The following LRBA variants were observed in gnomAD, a reference collection of about 807,000 sequenced individuals.
LRBA encodes the protein lipopolysaccharide-responsive and beige-like anchor protein.
Under a neutral mutation model 330.0 loss-of-function variants are expected in LRBA, and 176 were observed. That is an observed-to-expected ratio of 0.53 (90% confidence interval 0.47 to 0.60). LRBA has a LOEUF of 0.60. Ranked by LOEUF, LRBA falls within the 20% of genes least tolerant of loss-of-function variation. LRBA has a pLI of 0.00. For synonymous variants in LRBA, 1,230 were observed against 1,193.0 expected (o/e 1.03, Z -0.64); for missense variants, 3,259 against 3,444.8 (o/e 0.95, Z 1.35).
intron 48 of LRBA, among the ~76,000 whole-genome samples, chr4:150,331,193 T>C (rs1733951682): frequency 6.6e-6 from 1 of 152,174 alleles, no homozygotes; most frequent in South Asian, 2.1e-4. Context: ...CCTCAAGTGA[T>C]TATGTTTCTT....
At chr4:150,544,838 G>A (rs891546993) in intron 40 of LRBA, among the ~76,000 whole-genome samples, 6 of 152,008 alleles carry the variant, frequency 3.9e-5, no homozygotes, top group Non-Finnish European at 7.4e-5. Context: ...CTCTTCCATC[G>A]TTATAAATTC....
intron 42 of LRBA, among the ~76,000 whole-genome samples, chr4:150,486,825 G>T (rs1208007082): frequency 6.6e-6 from 1 of 151,492 alleles, no homozygotes; most frequent in African/African-American, 2.4e-5. Context: ...TGGTAACCAC[G>T]ATTCTACTCT....
At chr4:150,509,934 C>G (rs7691123) in intron 40 of LRBA, among the ~76,000 whole-genome samples, 2,749 of 152,144 alleles carry the variant, frequency 0.018, 87 homozygotes, top group African/African-American at 0.061. Flanking sequence ...GTCTGGAGTT[C>G]GAGACCAGCC....
chr4:150,803,479 TA>T (rs1742065656), intron 33 of LRBA, among the ~76,000 whole-genome samples: 1 of 152,238 alleles, frequency 6.6e-6, no homozygotes, highest in Admixed American at 6.5e-5. Flanking sequence ...TTTTTAATAC[TA>T]AAAAACTCAT....
At chr4:150,747,445 G>A (rs187836506) in intron 35 of LRBA, among the ~76,000 whole-genome samples, 3 of 152,276 alleles carry the variant, frequency 2.0e-5, no homozygotes, top group Admixed American at 2.0e-4. Context: ...CCAAAGCATA[G>A]AACAGTGCCT....
chr4:150,878,893 C>CA (rs1267078939), intron 17 of LRBA, among the ~76,000 whole-genome samples: 2 of 149,056 alleles, frequency 1.3e-5, no homozygotes, highest in African/African-American at 2.5e-5. Flanking sequence ...ACCTACTAAC[C>CA]AAAAAAATCC....
intron 44 of LRBA, among the ~76,000 whole-genome samples, chr4:150,440,773 A>G (rs1362973598): frequency 7.4e-6 from 1 of 136,040 alleles, no homozygotes; most frequent in Non-Finnish European, 1.6e-5. Context: ...CAAAACAAAA[A>G]GCAGAAATAA....
At chr4:150,322,006 C>T (rs1404766976) in intron 49 of LRBA, among the ~76,000 whole-genome samples, 1 of 152,112 alleles carries the variant, frequency 6.6e-6, no homozygotes, top group African/African-American at 2.4e-5. Context: ...CATAAATGTA[C>T]TTGTAAAAAC....
chr4:150,423,332 C>T (rs1034026997), intron 46 of LRBA: 16 of 718,858 alleles, frequency 2.2e-5, no homozygotes, highest in Middle Eastern at 2.5e-4. Context: ...ACGAGCTCTG[C>T]GGACTGTGAG....
At chr4:150,812,456 A>G (rs922652620) in intron 31 of LRBA, among the ~76,000 whole-genome samples, 1 of 152,174 alleles carries the variant, frequency 6.6e-6, no homozygotes, top group African/African-American at 2.4e-5. Flanking sequence ...GTCCCTTGCA[A>G]TAAAGAATCA....
intron 2 of LRBA, among the ~76,000 whole-genome samples, chr4:150,952,976 G>T (rs146774955): frequency 1.3e-5 from 2 of 151,534 alleles, no homozygotes; most frequent in East Asian, 1.9e-4. Context: ...CAAGCCCTTC[G>T]CCCATCTTGT....
intron 2 of LRBA, among the ~76,000 whole-genome samples, chr4:151,011,186 C>CAA (rs889750432): frequency 3.0e-5 from 4 of 132,820 alleles, no homozygotes; most frequent in African/African-American, 8.3e-5. Context: ...GACTCTGTCT[C>CAA]AAAAAAAAAA....
chr4:150,654,562 C>T (rs1779997076), intron 37 of LRBA, among the ~76,000 whole-genome samples: 2 of 152,078 alleles, frequency 1.3e-5, no homozygotes, highest in South Asian at 4.2e-4. Flanking sequence ...TTTTATTATA[C>T]TTTAAGTTTT....
At chr4:150,970,027 A>G (rs1246406670) in intron 2 of LRBA, among the ~76,000 whole-genome samples, 1 of 152,220 alleles carries the variant, frequency 6.6e-6, no homozygotes, top group Non-Finnish European at 1.5e-5. Context: ...GTCTGATTTT[A>G]ACAACTTTTC....
chr4:150,505,233 T>C (rs1053477205), intron 40 of LRBA, among the ~76,000 whole-genome samples: 14 of 152,204 alleles, frequency 9.2e-5, no homozygotes, highest in Non-Finnish European at 1.9e-4. Context: ...GCAGACCTAA[T>C]AGACATCTAC....
rs186930378 is a variant in LRBA, at chr4:150,419,673, T to C, written c.7042-4083A>G. Reference sequence around the variant, plus strand: ...TTTTTTTTGAGATGAAGTCTTACTATGTCACCCAGGCTGGAGTGCAGTGGC... The same window carrying C: ...TTTTTTTTGAGATGAAGTCTTACTACGTCACCCAGGCTGGAGTGCAGTGGC... On this transcript the variant is annotated intron_variant, in intron 46 of 56. Transcript: ENST00000651943. Among the ~76,000 whole-genome samples, 269 of 141,462 alleles carry C rather than the reference T, an allele frequency of 1.9e-3. 4 individuals carry two copies. Among genetic ancestry groups the C allele is most frequent in the Admixed American group, 4.2e-3 (57 of 13,504 alleles). 92.8% of individuals were successfully genotyped at this position (141,462 alleles called of 152,430 possible).
intron 51 of LRBA, 159 bp downstream of exon 51, chr4:150,315,402 C>G: frequency 1.5e-6 from 1 of 684,718 alleles, no homozygotes; most frequent in South Asian, 1.7e-5. Flanking sequence ...GATGAAATAC[C>G]AGCATAGCCA....
intron 33 of LRBA, among the ~76,000 whole-genome samples, chr4:150,802,944 C>T (rs1303016315): frequency 6.7e-6 from 1 of 149,456 alleles, no homozygotes; most frequent in East Asian, 2.0e-4. Flanking sequence ...ATTGCTTGAA[C>T]TCGGGAGGCA....
intron 44 of LRBA, among the ~76,000 whole-genome samples, chr4:150,442,942 T>C (rs911893758): frequency 6.6e-6 from 1 of 152,192 alleles, no homozygotes; most frequent in East Asian, 1.9e-4. Context: ...CTATGATATA[T>C]ATGTCAAAGG....
Sources: gnomAD v4.1 joint callset for allele counts (sites outside exome capture counted in the v4.1 genomes callset) on GRCh38, gnomAD v4.1.1 for gene constraint, MANE v1.5 for transcripts, NCBI Gene and HGNC (gene_info 2026-07-23, HGNC 2026-07-21) for gene names.